Variants in MTA3 observed in about 807,000 individuals in gnomAD.
MTA3 encodes metastasis associated 1 family member 3, also known as metastasis-associated protein MTA3.
In MTA3, 34 loss-of-function variants were observed where a neutral mutation model predicts 83.5. That is an observed-to-expected ratio of 0.41 (90% CI 0.31 to 0.54). The LOEUF (loss-of-function observed/expected upper bound fraction) is 0.54, where lower values mean the gene tolerates loss of function less well. MTA3 is among the 20% of genes least tolerant of loss of function. MTA3 has a pLI of 0.33. For missense variants in MTA3, 761 were observed against 726.4 expected (o/e 1.05, Z -0.55); for synonymous variants, 303 against 252.7 (o/e 1.20, Z -1.89).
chr2:42,713,244 A>T (rs1666767767), intron 14 of MTA3, among the ~76,000 whole-genome samples: 1 of 152,162 alleles, frequency 6.6e-6, no homozygotes, highest in Non-Finnish European at 1.5e-5. Flanking sequence ...GAGGAACCTG[A>T]AGCTATTTTT....
intron 3 of MTA3, among the ~76,000 whole-genome samples, chr2:42,587,712 C>A (rs989684785): frequency 6.6e-6 from 1 of 152,090 alleles, no homozygotes; most frequent in East Asian, 1.9e-4. Flanking sequence ...AGTGATTCTC[C>A]TGCTTCAGCC....
At position 42,711,775 on chromosome 2, in the gene MTA3, A is replaced by AGTGT. The variant is rs372997456; in HGVS notation, c.1525+2680_1525+2681insTGTG. On this transcript the variant is annotated intron_variant, in intron 14 of 16. Transcript: ENST00000405094. The stretch of plus-strand genomic sequence containing the variant: ...GTGATCTACTGGGAGTGTATAGGAG[A>AGTGT]GAGAGAGAGTGTGTGTGTGTGTGTG... Among the ~76,000 whole-genome samples the AGTGT allele has an allele frequency of 2.7e-3, 371 of 139,484 alleles. 3 individuals carry two copies. The highest frequency in any genetic ancestry group is 8.8e-3 in the African/African-American group (313 of 35,480). 91.5% of individuals were successfully genotyped at this position (139,484 alleles called of 152,430 possible).
At chr2:42,747,439 G>T (rs941781849) in intron 16 of MTA3, among the ~76,000 whole-genome samples, 2 of 152,042 alleles carry the variant, frequency 1.3e-5, no homozygotes, top group African/African-American at 4.8e-5. Flanking sequence ...CGGGGTGGGG[G>T]TGCAGAATAC....
intron 3 of MTA3, among the ~76,000 whole-genome samples, chr2:42,585,627 A>T (rs1315939051): frequency 1.3e-5 from 2 of 151,772 alleles, no homozygotes; most frequent in African/African-American, 4.8e-5. Context: ...GATGTGTGCC[A>T]CCACGCCTGG....
At chr2:42,526,717 A>T (rs891755034) in intron 2 of MTA3, among the ~76,000 whole-genome samples, 4 of 152,096 alleles carry the variant, frequency 2.6e-5, no homozygotes, top group Admixed American at 6.6e-5. Context: ...AACCTGAAAG[A>T]GGCTACCCTT....
intron 2 of MTA3, among the ~76,000 whole-genome samples, chr2:42,520,843 G>C (rs1675394949): frequency 6.6e-6 from 1 of 152,154 alleles, no homozygotes; most frequent in Non-Finnish European, 1.5e-5. Context: ...TGGGATTACA[G>C]GTGTGAGCCA....
chr2:42,628,220 T>C (rs1053298288), intron 4 of MTA3, among the ~76,000 whole-genome samples: 56 of 150,158 alleles, frequency 3.7e-4, no homozygotes, highest in Non-Finnish European at 6.4e-4. Context: ...ATTTATTTAT[T>C]TATTTATTTA....
chr2:42,518,055 A>G (rs1000205939), intron 2 of MTA3, among the ~76,000 whole-genome samples: 6 of 150,968 alleles, frequency 4.0e-5, no homozygotes, highest in African/African-American at 1.5e-4. Context: ...ATGTGGTGGC[A>G]GGCACCTCCC....
At chr2:42,547,893 T>C (rs2103763074) in intron 2 of MTA3, among the ~76,000 whole-genome samples, 1 of 151,178 alleles carries the variant, frequency 6.6e-6, no homozygotes, top group East Asian at 2.0e-4. Context: ...TGCATACTCC[T>C]AAATTAGGTT....
At chr2:42,551,802 A>G (rs978149252) in intron 2 of MTA3, among the ~76,000 whole-genome samples, 19 of 151,468 alleles carry the variant, frequency 1.3e-4, no homozygotes. Context: ...ATCTCGGCTC[A>G]CTGCAACCTC....
chr2:42,642,498 A>G (rs751472410), intron 5 of MTA3, among the ~76,000 whole-genome samples: 3 of 152,156 alleles, frequency 2.0e-5, no homozygotes, highest in Non-Finnish European at 2.9e-5. Flanking sequence ...TCTATTAAAA[A>G]AAAAGAAAAA....
intron 8 of MTA3, among the ~76,000 whole-genome samples, chr2:42,674,710 T>A (rs1691173636): frequency 6.6e-6 from 1 of 150,752 alleles, no homozygotes; most frequent in South Asian, 2.1e-4. Context: ...GGGATTCTCC[T>A]GCCTCAGCCT....
chr2:42,679,248 A>G (rs1286894687), intron 8 of MTA3, among the ~76,000 whole-genome samples: 1 of 152,186 alleles, frequency 6.6e-6, no homozygotes, highest in Non-Finnish European at 1.5e-5. Context: ...ATAATTTTCC[A>G]TGATATTATG....
At chr2:42,552,071 T>C (rs532221057) in intron 2 of MTA3, among the ~76,000 whole-genome samples, 18 of 152,146 alleles carry the variant, frequency 1.2e-4, no homozygotes, top group African/African-American at 4.1e-4. Flanking sequence ...TTGCCCAGGC[T>C]GGTATCAAAT....
rs148670867 is a variant in MTA3 at position 42,736,819 on chromosome 2, A to C, written c.1759+13784A>C. Among the ~76,000 whole-genome samples the C allele has an allele frequency of 2.1e-3, 321 of 152,292 alleles. 2 individuals carry two copies. The highest frequency in any genetic ancestry group is 7.4e-3 in the African/African-American group (309 of 41,582). On this transcript the variant is annotated intron_variant, in intron 16 of 16. Coordinates refer to ENST00000405094, the MANE Select transcript of MTA3 (RefSeq NM_001330442.2). ...ACCACTGCTGATTATTCAGGGCCCA[A>C]GGGCTTTTTAGTCAGCAGCTGGTGA...
intron 2 of MTA3, among the ~76,000 whole-genome samples, chr2:42,525,832 T>C (rs113702334): frequency 5.9e-5 from 9 of 151,678 alleles, no homozygotes; most frequent in Non-Finnish European, 1.2e-4. Context: ...TAATTTTTTG[T>C]ATTTTTCGGT....
At chr2:42,574,974 G>A (rs527495508) in intron 2 of MTA3, among the ~76,000 whole-genome samples, 1 of 152,182 alleles carries the variant, frequency 6.6e-6, no homozygotes, top group Admixed American at 6.5e-5. Context: ...TTGATGTAAG[G>A]TATAAGAATT....
At chr2:42,675,366 C>A (rs1691245700) in intron 8 of MTA3, among the ~76,000 whole-genome samples, 1 of 152,106 alleles carries the variant, frequency 6.6e-6, no homozygotes, top group African/African-American at 2.4e-5. Flanking sequence ...AAACTCCTGA[C>A]CTCGTGGTCC....
intron 9 of MTA3, among the ~76,000 whole-genome samples, chr2:42,688,971 T>C (rs1692642055): frequency 1.3e-5 from 2 of 152,208 alleles, no homozygotes; most frequent in Admixed American, 6.5e-5. Flanking sequence ...TTTGTTTTGT[T>C]TTTGTATGTA....
Sources: allele counts gnomAD v4.1 joint callset (sites outside exome capture counted in the v4.1 genomes callset), GRCh38; gene constraint gnomAD v4.1.1; transcripts MANE v1.5; gene names NCBI Gene and HGNC (gene_info 2026-07-23, HGNC 2026-07-21).